SATB2: variants seen among roughly 807,000 people sequenced by gnomAD.
SATB2 encodes the protein DNA-binding protein SATB2.
A neutral mutation model predicts 73.4 loss-of-function variants in SATB2; 1 was observed. The ratio of observed to expected loss-of-function variants is 0.01; its 90% CI spans 0.00 to 0.06. The LOEUF is 0.06. SATB2 is among the 10% of genes least tolerant of loss of function. SATB2 has a pLI of 1.00. For missense variants in SATB2, 459 were observed against 945.8 expected, an observed-to-expected ratio of 0.49 and a Z score of 6.75; for synonymous variants, 397 against 367.0, an observed-to-expected ratio of 1.08 and a Z score of -0.93.
At chr2:199,373,974 T>G (rs542122773) in intron 5 of SATB2, among the ~76,000 whole-genome samples, 20 of 152,350 alleles carry the variant, frequency 1.3e-4, no homozygotes, top group African/African-American at 4.8e-4. Flanking sequence ...CTATATATGA[T>G]GAGCACATGC....
At chr2:199,351,256 G>C (rs1287387571) in intron 6 of SATB2, among the ~76,000 whole-genome samples, 2 of 151,292 alleles carry the variant, frequency 1.3e-5, no homozygotes, top group African/African-American at 4.9e-5. Flanking sequence ...CTGCCTCTCG[G>C]GTTCAAGTGA....
chr2:199,321,569 CAT>C (rs1453431689), intron 9 of SATB2, among the ~76,000 whole-genome samples: 2 of 151,252 alleles, frequency 1.3e-5, no homozygotes, highest in Non-Finnish European at 1.5e-5. Flanking sequence ...CATACACACA[CAT>C]GTACACACAG....
At chr2:199,352,806 CAAAA>C (rs1029926652) in intron 6 of SATB2, among the ~76,000 whole-genome samples, 1 of 151,754 alleles carries the variant, frequency 6.6e-6, no homozygotes, top group African/African-American at 2.4e-5. Context: ...TTTTGAAAAA[CAAAA>C]AATCTGGATT....
intron 10 of SATB2, among the ~76,000 whole-genome samples, chr2:199,278,039 GATCGTAAATAAA>G (rs1305581148): frequency 6.6e-6 from 1 of 152,142 alleles, no homozygotes; most frequent in African/African-American, 2.4e-5. Context: ...AGAGGAGATA[GATCGTAAATAAA>G]ATATCAGCTA....
intron 10 of SATB2, among the ~76,000 whole-genome samples, chr2:199,289,112 G>C (rs1692772120): frequency 1.3e-5 from 2 of 152,090 alleles, no homozygotes; most frequent in Non-Finnish European, 2.9e-5. Flanking sequence ...CTTAATTCTA[G>C]GGTAGGCTTT....
Position 199,456,007 on chromosome 2 carries a change from G to A in SATB2, c.31C>T (p.Arg11Trp). 1 of 1,543,858 alleles carries A rather than the reference G, an allele frequency of 6.5e-7. No individual in the cohort carries two copies. The highest frequency in any genetic ancestry group is 8.7e-7 in the Non-Finnish European group (1 of 1,150,140). The change falls in exon 2 of 11, where the codon CGG becomes TGG. Residue 11 changes from arginine (R) to tryptophan (W), a missense_variant. Physicochemically the swap from Arg to Trp is moderately radical, Grantham distance 101. Around this residue, in one of 13 missense-constraint regions of SATB2, gnomAD observed 74 missense variants for 113.3 expected, o/e 0.65. Coordinates refer to ENST00000417098, the MANE Select transcript of SATB2 (RefSeq NM_001172509.2). MERRSESPCL[R>W]DSPDRRSGSP... The stretch of plus-strand genomic sequence containing the variant: ...CCGCTCCGCCGGTCGGGGCTGTCCC[G>A]CAGACACGGGCTCTCGCTCCGCCGC...
chr2:199,300,230 G>A (rs1445563319), intron 10 of SATB2, among the ~76,000 whole-genome samples: 1 of 151,802 alleles, frequency 6.6e-6, no homozygotes, highest in Non-Finnish European at 1.5e-5. Context: ...GGAAGGAGAA[G>A]GGGATAAATA....
chr2:199,441,932 G>A (rs890668782), intron 2 of SATB2, among the ~76,000 whole-genome samples: 6 of 152,154 alleles, frequency 3.9e-5, no homozygotes, highest in Admixed American at 6.5e-5. Context: ...AAAGAAGCCT[G>A]AGCCACACCT....
At chr2:199,324,971 C>T (rs1045986125) in intron 8 of SATB2, among the ~76,000 whole-genome samples, 2 of 152,232 alleles carry the variant, frequency 1.3e-5, no homozygotes, top group African/African-American at 2.4e-5. Flanking sequence ...TTTCCCTGTG[C>T]GGATGCCCTG....
chr2:199,353,177 CAG>C (rs1302907094), intron 6 of SATB2, among the ~76,000 whole-genome samples: 1 of 76,598 alleles, frequency 1.3e-5, no homozygotes, highest in Non-Finnish European at 2.4e-5. Flanking sequence ...TTTTTTGAGA[CAG>C]AGCCTCACTC....
chr2:199,373,347 A>C (rs1200868828), intron 5 of SATB2, among the ~76,000 whole-genome samples: 2 of 152,138 alleles, frequency 1.3e-5, no homozygotes, highest in Admixed American at 6.6e-5. Flanking sequence ...AATGGGAAAA[A>C]AACTGATTCT....
chr2:199,422,307 T>G (rs911564526), intron 3 of SATB2, among the ~76,000 whole-genome samples: 3 of 151,864 alleles, frequency 2.0e-5, no homozygotes, highest in Non-Finnish European at 4.4e-5. Context: ...TTTTAGTTTT[T>G]TTTTTTGTAA....
chr2:199,392,882 A>G (rs900931569), intron 3 of SATB2, among the ~76,000 whole-genome samples: 1 of 152,226 alleles, frequency 6.6e-6, no homozygotes, highest in African/African-American at 2.4e-5. Flanking sequence ...TCAACATAAA[A>G]GAGGTAAGCA....
chr2:199,304,180 T>A (rs1687366891), intron 10 of SATB2, among the ~76,000 whole-genome samples: 1 of 152,166 alleles, frequency 6.6e-6, no homozygotes, highest in South Asian at 2.1e-4. Flanking sequence ...TTTTTCCAAT[T>A]GTAAAACGGA....
intron 5 of SATB2, chr2:199,368,990 AT>A: frequency 3.3e-6 from 1 of 300,440 alleles, no homozygotes; most frequent in Non-Finnish European, 6.3e-6. Context: ...AACAGTTGTG[AT>A]TTAGGAACCA....
At chr2:199,283,690 T>C (rs958911392) in intron 10 of SATB2, among the ~76,000 whole-genome samples, 1 of 151,802 alleles carries the variant, frequency 6.6e-6, no homozygotes. Flanking sequence ...CAGCACCAAA[T>C]GGTCCAGGCA....
intron 2 of SATB2, among the ~76,000 whole-genome samples, chr2:199,444,115 T>C (rs1691897846): frequency 6.6e-6 from 1 of 152,076 alleles, no homozygotes; most frequent in African/African-American, 2.4e-5. Flanking sequence ...ATGGTTCTAA[T>C]ACATCCTCTT....
chr2:199,415,555 C>A (rs1451492611), intron 3 of SATB2, among the ~76,000 whole-genome samples: 1 of 152,160 alleles, frequency 6.6e-6, no homozygotes, highest in East Asian at 1.9e-4. Flanking sequence ...ATTAAGATAA[C>A]ATATATGGAT....
chr2:199,398,183 A>G (rs1370789475), intron 3 of SATB2, among the ~76,000 whole-genome samples: 2 of 152,200 alleles, frequency 1.3e-5, no homozygotes, highest in African/African-American at 4.8e-5. Flanking sequence ...AGACTAGAGA[A>G]TCTGGGTCAT....
Sources: gnomAD v4.1 joint callset for allele counts (sites outside exome capture counted in the v4.1 genomes callset) on GRCh38, gnomAD v4.1.1 for gene constraint, gnomAD v4.1.1 regional missense constraint, MANE v1.5 for transcripts, NCBI Gene and HGNC (gene_info 2026-07-23, HGNC 2026-07-21) for gene names.